The following ZNF208 variants were observed in gnomAD, a reference collection of about 807,000 sequenced individuals.
The protein encoded by ZNF208 is zinc finger protein 95.
ZNF208 carries 10 observed loss-of-function variants against 12.1 expected under a neutral mutation model. The observed-to-expected ratio is 0.83, with a 90% CI of 0.51 to 1.40. ZNF208 has a LOEUF of 1.40. ZNF208 is among the 40% of genes most tolerant of loss of function. ZNF208 has a pLI of 0.00. For missense variants in ZNF208, 1,652 were observed against 1,485.0 expected (o/e 1.11, Z -1.85); for synonymous variants, 497 against 488.4 (o/e 1.02, Z -0.23).
At chr19:21,958,724 G>C (rs1342252495) in intron 4 of ZNF208, among the ~76,000 whole-genome samples, 1 of 128,256 alleles carries the variant, frequency 7.8e-6, no homozygotes, top group Non-Finnish European at 1.7e-5. Context: ...AACCAGCCCT[G>C]GAAGAAATCT....
At chr19:21,984,922 T>C (rs1204072666) in intron 3 of ZNF208, among the ~76,000 whole-genome samples, 3 of 152,180 alleles carry the variant, frequency 2.0e-5, no homozygotes, top group African/African-American at 7.2e-5. Context: ...GCGACACATA[T>C]ACTTTAACAT....
chr19:21,970,251 C>G lies in ZNF208; in HGVS notation c.*940G>C, dbSNP rs1390879052. Among the ~76,000 whole-genome samples the G allele has an allele frequency of 6.6e-6, 1 of 152,118 alleles. No homozygotes were observed. Among genetic ancestry groups the G allele is most frequent in the Non-Finnish European group, 1.5e-5 (1 of 68,014 alleles). On this transcript the variant is annotated 3_prime_UTR_variant, in exon 4 of 4. Coordinates refer to ENST00000397126, the MANE Select transcript of ZNF208 (RefSeq NM_007153.3). ...ATTGAGGATCTATTAGAGGCTTTCC[C>G]ACATTCTTCACACATGCATGGTTTC...
intron 3 of ZNF208, among the ~76,000 whole-genome samples, chr19:21,981,000 A>C (rs1970527318): frequency 6.6e-6 from 1 of 152,210 alleles, no homozygotes; most frequent in Non-Finnish European, 1.5e-5. Context: ...CACCATCCCA[A>C]GTCTAAATCA....
At chr19:21,957,631 C>G (rs1052616883) in intron 4 of ZNF208, among the ~76,000 whole-genome samples, 14 of 152,086 alleles carry the variant, frequency 9.2e-5, no homozygotes, top group African/African-American at 3.4e-4. Context: ...GGGTACAAAT[C>G]CATGGCTTGG....
intron 1 of ZNF208, chr19:21,991,606 G>T (rs567556496): frequency 6.6e-6 from 1 of 152,260 alleles, no homozygotes; most frequent in African/African-American, 2.4e-5. Flanking sequence ...CAGGCATGGT[G>T]GCGCATGCCT....
chr19:21,945,447 T>C (rs1398476710), intron 4 of ZNF208, among the ~76,000 whole-genome samples: 2 of 152,220 alleles, frequency 1.3e-5, no homozygotes. Flanking sequence ...CTTTGTTTTG[T>C]ATTTTTTGTT....
chr19:21,989,054 A>T, intron 1 of ZNF208, 145 bp from the exon 2 acceptor site: 1 of 1,129,540 alleles, frequency 8.9e-7, no homozygotes, highest in Middle Eastern at 2.1e-4. Flanking sequence ...TTTTAACACA[A>T]ATATTCTCTA....
At chr19:21,991,058 C>T (rs1970724890) in intron 1 of ZNF208, among the ~76,000 whole-genome samples, 1 of 152,178 alleles carries the variant, frequency 6.6e-6, no homozygotes, top group Non-Finnish European at 1.5e-5. Flanking sequence ...CAAACAGGGA[C>T]AATTTGACTT....
chr19:21,951,786 CT>C (rs1333865794), intron 4 of ZNF208, among the ~76,000 whole-genome samples: 1 of 152,198 alleles, frequency 6.6e-6, no homozygotes, highest in Non-Finnish European at 1.5e-5. Context: ...GCTCATCTCA[CT>C]GGGACTGGAT....
downstream of ZNF208, chr19:21,965,949 A>T (rs960208478): frequency 6.6e-6 from 1 of 151,966 alleles, no homozygotes; most frequent in Non-Finnish European, 1.5e-5. Context: ...TTTTTGGGCT[A>T]TAGACTAAGA....
At chr19:21,963,200 G>A (rs1399806431), downstream of ZNF208, among the ~76,000 whole-genome samples, 1 of 151,980 alleles carries the variant, frequency 6.6e-6, no homozygotes, top group African/African-American at 2.4e-5. Context: ...TTTGCCTGAA[G>A]TACTGGTTTT....
chr19:21,999,957 C>T (rs1251258619), intron 1 of ZNF208, among the ~76,000 whole-genome samples: 2 of 152,100 alleles, frequency 1.3e-5, no homozygotes, highest in African/African-American at 4.8e-5. Flanking sequence ...AACTCTTGGA[C>T]ATCTGAATTT....
At chr19:21,990,569 G>A (rs1274009411) in intron 1 of ZNF208, among the ~76,000 whole-genome samples, 3 of 152,138 alleles carry the variant, frequency 2.0e-5, no homozygotes, top group Admixed American at 6.5e-5. Flanking sequence ...TTGACTTGGT[G>A]ATGCAGGCTC....
rs2145541058 is a variant in ZNF208, at chr19:21,969,497, T to A, written c.*1694A>T. Among the ~76,000 whole-genome samples, 1 of 152,316 alleles carries A rather than the reference T, an allele frequency of 6.6e-6. No homozygotes were observed. Among genetic ancestry groups the A allele is most frequent in the Non-Finnish European group, 1.5e-5 (1 of 68,020 alleles). On this transcript the variant is annotated 3_prime_UTR_variant, in exon 4 of 4. Coordinates refer to ENST00000397126, the MANE Select transcript of ZNF208 (RefSeq NM_007153.3). ...GAATTAGCTGATATTTACATAAACT[T>A]AATTTTGGATTAAATATTTTTTATA...
intron 4 of ZNF208, among the ~76,000 whole-genome samples, chr19:21,943,011 G>T (rs1396626467): frequency 6.6e-6 from 1 of 152,068 alleles, no homozygotes; most frequent in African/African-American, 2.4e-5. Flanking sequence ...TTATCAAGTT[G>T]CTTGTAGTAA....
chr19:21,983,334 T>C lies in ZNF208; in HGVS notation c.226+3882A>G, dbSNP rs567799262. On this transcript the variant is annotated intron_variant, in intron 3 of 3. Coordinates refer to ENST00000397126, the MANE Select transcript of ZNF208 (RefSeq NM_007153.3). ...CATCTCATGCCAGTTAGAACGGCGA[T>C]CATTGAGAAGTCAGGAAACAACAGA... Among the ~76,000 whole-genome samples, 864 of 149,810 alleles carry C rather than the reference T, an allele frequency of 5.8e-3. 1 individual carries two copies. Among genetic ancestry groups the C allele is most frequent in the African/African-American group, 0.02 (806 of 40,380 alleles).
At chr19:21,961,540 C>A (rs1568437840), downstream of ZNF208, among the ~76,000 whole-genome samples, 1 of 152,096 alleles carries the variant, frequency 6.6e-6, no homozygotes, top group African/African-American at 2.4e-5. Flanking sequence ...AGTCTGACCA[C>A]AAATTCACCA....
At chr19:21,974,867 C>G (rs571595118) in intron 3 of ZNF208, 60 bp from the exon 4 acceptor site, 220 of 1,442,886 alleles carry the variant, frequency 1.5e-4, no homozygotes, top group Middle Eastern at 1.5e-3. Flanking sequence ...AATACAGTTT[C>G]TAAATCTAAA....
Position 21,969,050 on chromosome 19 carries a change from G to A in ZNF208, c.*2141C>T, listed in dbSNP as rs949730468. Among the ~76,000 whole-genome samples the A allele has an allele frequency of 5.3e-5, 8 of 152,106 alleles. No homozygotes were observed. Among genetic ancestry groups the A allele is most frequent in the East Asian group, 1.9e-4 (1 of 5,192 alleles). ...ATACAAAAAATTAGCTGGGAGTGGC[G>A]GCGGGCGCCTGTAGTCCCAGCTAAT... On this transcript the variant is annotated 3_prime_UTR_variant, in exon 4 of 4. Transcript: ENST00000397126.
Sources: gnomAD v4.1 joint callset for allele counts (sites outside exome capture counted in the v4.1 genomes callset) on GRCh38, gnomAD v4.1.1 for gene constraint, MANE v1.5 for transcripts, NCBI Gene and HGNC (gene_info 2026-07-23, HGNC 2026-07-21) for gene names.